Variants in RCAN2 observed in about 807,000 individuals in gnomAD.
RCAN2 encodes the protein regulator of calcineurin 2, also known as calcipressin-2.
Under a neutral mutation model 23.6 loss-of-function variants are expected in RCAN2, and 9 were observed. The observed-to-expected ratio is 0.38, with a 90% CI of 0.23 to 0.67. The LOEUF (loss-of-function observed/expected upper bound fraction) is 0.67, where lower values mean the gene tolerates loss of function less well. Ranked by LOEUF, RCAN2 falls within the 30% of genes least tolerant of loss-of-function variation. The pLI is 0.51. For synonymous variants in RCAN2, 109 were observed against 115.7 expected (o/e 0.94, Z 0.37); for missense variants, 273 against 302.3 (o/e 0.90, Z 0.72).
intron 1 of RCAN2, among the ~76,000 whole-genome samples, chr6:46,485,503 C>A (rs1326684235): frequency 3.3e-5 from 5 of 152,104 alleles, no homozygotes; most frequent in Non-Finnish European, 5.9e-5. Flanking sequence ...CTAGAAAGCA[C>A]ATATGTCCAA....
intron 2 of RCAN2, among the ~76,000 whole-genome samples, chr6:46,452,931 G>A (rs536269892): frequency 6.7e-4 from 102 of 152,212 alleles, no homozygotes; most frequent in African/African-American, 2.3e-3. Flanking sequence ...ATAACTTAAA[G>A]TATAATAATA....
intron 2 of RCAN2, among the ~76,000 whole-genome samples, chr6:46,442,270 C>G (rs1051926173): frequency 6.6e-6 from 1 of 152,200 alleles, no homozygotes; most frequent in Admixed American, 6.5e-5. Context: ...GAATTTACAT[C>G]TTTTAAAATT....
In RCAN2 at chr6:46,372,668, G is replaced by T. The variant is rs1582150005; in HGVS notation, c.225+84084C>A. Reference sequence around the variant, plus strand: ...ATATGATAGTCCAGAAAGTGCCCTTGTCAATTATTTTTGGATATTCACATC... The same window carrying T: ...ATATGATAGTCCAGAAAGTGCCCTTTTCAATTATTTTTGGATATTCACATC... On this transcript the variant is annotated intron_variant, in intron 2 of 4. Transcript: ENST00000371374. 3.9e-5 allele frequency among the ~76,000 whole-genome samples: 6 copies of T among 152,302 alleles called. 1 individual carries two copies. In the Middle Eastern group the frequency reaches 0.014, roughly 345 times the overall value.
At chr6:46,235,613 C>T (rs111503049) in intron 4 of RCAN2, among the ~76,000 whole-genome samples, 7 of 152,310 alleles carry the variant, frequency 4.6e-5, no homozygotes, top group Admixed American at 1.3e-4. Flanking sequence ...CCAGCTATCA[C>T]GCTTCTTAGA....
At chr6:46,350,535 A>G (rs144520657) in intron 2 of RCAN2, among the ~76,000 whole-genome samples, 2 of 152,302 alleles carry the variant, frequency 1.3e-5, no homozygotes, top group Non-Finnish European at 2.9e-5. Context: ...GTCACTTGGT[A>G]TAAATCACAT....
chr6:46,486,678 T>G (rs1211048169), intron 1 of RCAN2, among the ~76,000 whole-genome samples: 5 of 152,258 alleles, frequency 3.3e-5, no homozygotes, highest in Non-Finnish European at 7.3e-5. Context: ...AATGTCTTTT[T>G]ATGCATACAT....
At chr6:46,478,716 G>C (rs1156469040) in intron 1 of RCAN2, among the ~76,000 whole-genome samples, 1 of 152,114 alleles carries the variant, frequency 6.6e-6, no homozygotes, top group Non-Finnish European at 1.5e-5. Context: ...CTCTTCCCAT[G>C]TCTGCATTTA....
At chr6:46,449,403 A>G (rs551419122) in intron 2 of RCAN2, among the ~76,000 whole-genome samples, 2 of 151,618 alleles carry the variant, frequency 1.3e-5, no homozygotes, top group East Asian at 3.9e-4. Flanking sequence ...AACATTTAAT[A>G]TTATTAAAAT....
chr6:46,294,512 AT>A (rs1376878592), intron 2 of RCAN2, among the ~76,000 whole-genome samples: 11 of 152,126 alleles, frequency 7.2e-5, no homozygotes, highest in Admixed American at 4.6e-4. Flanking sequence ...TTTAAGCACA[AT>A]TTTTTTTAAA....
At chr6:46,325,618 A>G in intron 2 of RCAN2, 1 of 1,441,466 alleles carries the variant, frequency 6.9e-7, no homozygotes, top group Middle Eastern at 2.5e-4. Flanking sequence ...GGGCTCCTGG[A>G]GCCCGCTCCC....
chr6:46,452,408 G>GT (rs1488832688), intron 2 of RCAN2, among the ~76,000 whole-genome samples: 2 of 152,310 alleles, frequency 1.3e-5, no homozygotes, highest in Admixed American at 6.5e-5. Context: ...TGCATTACAT[G>GT]TTCATGATAG....
chr6:46,281,031 A>G (rs966738048), intron 2 of RCAN2, among the ~76,000 whole-genome samples: 1 of 152,184 alleles, frequency 6.6e-6, no homozygotes, highest in African/African-American at 2.4e-5. Flanking sequence ...GCAGAGGCCA[A>G]TGCTGTGCTA....
chr6:46,234,998 C>A (rs942839762), intron 4 of RCAN2, among the ~76,000 whole-genome samples: 6 of 152,190 alleles, frequency 3.9e-5, no homozygotes, highest in Admixed American at 1.3e-4. Flanking sequence ...GCCACAATTG[C>A]AGAGAAATGT....
chr6:46,433,186 G>A (rs980833396), intron 2 of RCAN2, among the ~76,000 whole-genome samples: 1 of 152,174 alleles, frequency 6.6e-6, no homozygotes, highest in African/African-American at 2.4e-5. Flanking sequence ...AACTGTAGAA[G>A]AGAAAAGATG....
At chr6:46,431,051 C>A (rs529945362) in intron 2 of RCAN2, among the ~76,000 whole-genome samples, 2 of 152,218 alleles carry the variant, frequency 1.3e-5, no homozygotes, top group East Asian at 1.9e-4. Flanking sequence ...CTTGGAGGAA[C>A]TTTCTGCTGG....
At chr6:46,400,821 T>C (rs998932633) in intron 2 of RCAN2, among the ~76,000 whole-genome samples, 2 of 152,180 alleles carry the variant, frequency 1.3e-5, no homozygotes, top group Non-Finnish European at 2.9e-5. Flanking sequence ...AAGAAAAGAA[T>C]GGCTGGGTCT....
At chr6:46,334,868 G>A (rs917513376) in intron 2 of RCAN2, among the ~76,000 whole-genome samples, 3 of 152,072 alleles carry the variant, frequency 2.0e-5, no homozygotes, top group African/African-American at 4.8e-5. Flanking sequence ...GCCTTAATTC[G>A]TTCTTTAGGA....
rs186409922 is a variant in RCAN2, at chr6:46,445,167, C to T, written c.225+11585G>A. Among the ~76,000 whole-genome samples the T allele has an allele frequency of 1.6e-3, 239 of 152,348 alleles. 2 individuals are homozygous for T. Among genetic ancestry groups the T allele is most frequent in the African/African-American group, 5.2e-3 (216 of 41,586 alleles). On this transcript the variant is annotated intron_variant, in intron 2 of 4. Coordinates refer to ENST00000371374, the MANE Select transcript of RCAN2 (RefSeq NM_001251974.2). ...GACCACCCCTGCACCAGGTCAGCCT[C>T]TATAAACCCAGGCTTCAGGCCAGCT...
chr6:46,397,552 A>G (rs1339902959), intron 2 of RCAN2, among the ~76,000 whole-genome samples: 1 of 152,214 alleles, frequency 6.6e-6, no homozygotes, highest in African/African-American at 2.4e-5. Context: ...AGGGTACATG[A>G]GACTTTTCTG....
Sources: gnomAD v4.1 joint callset for allele counts (sites outside exome capture counted in the v4.1 genomes callset) on GRCh38, gnomAD v4.1.1 for gene constraint, MANE v1.5 for transcripts, NCBI Gene and HGNC (gene_info 2026-07-23, HGNC 2026-07-21) for gene names.